RAB8A: variants seen among roughly 807,000 people sequenced by gnomAD.
RAB8A encodes ras-related protein Rab-8A.
RAB8A carries 5 observed loss-of-function variants against 29.2 expected under a neutral mutation model. The observed-to-expected ratio is 0.17, with a 90% CI of 0.09 to 0.36. The LOEUF (loss-of-function observed/expected upper bound fraction) is 0.36, where lower values mean the gene tolerates loss of function less well. Among genes scored for constraint, RAB8A ranks in the 10% least tolerant of loss-of-function variants. The pLI, the probability that RAB8A is intolerant of heterozygous loss-of-function variation, is 1.00. For missense variants in RAB8A, 171 were observed against 272.2 expected (o/e 0.63, Z 2.62); for synonymous variants, 108 against 99.9 (o/e 1.08, Z -0.49).
At position 16,132,191 on chromosome 19, in the gene RAB8A, G is replaced by T; in HGVS notation, c.532-21G>T. 6.3e-7 allele frequency: 1 copy of T among 1,586,346 alleles called. No individual in the cohort carries two copies. Among genetic ancestry groups the T allele is most frequent in the South Asian group, 1.1e-5 (1 of 90,556 alleles). ...GTGCTGATTCTCAGTGATAACCTCA[G>T]AAAACCTCTTGTGATTTCAGGAAGG... On this transcript the variant is annotated intron_variant, in intron 7 of 7. Coordinates refer to ENST00000300935, the MANE Select transcript of RAB8A (RefSeq NM_005370.5). This position sits in a 1 kb window ranked among gnomAD's most constrained non-coding sequence, Gnocchi z 5.6.
chr19:16,120,709 C>T (rs1395340519), intron 2 of RAB8A, among the ~76,000 whole-genome samples: 1 of 151,216 alleles, frequency 6.6e-6, no homozygotes, highest in Non-Finnish European at 1.5e-5. Context: ...CTCCCAGGTT[C>T]AAGCGATTGT....
chr19:16,128,656 C>T (rs1305359839), intron 6 of RAB8A, among the ~76,000 whole-genome samples: 2 of 152,208 alleles, frequency 1.3e-5, no homozygotes, highest in East Asian at 1.9e-4. Flanking sequence ...CCTTGCCTGG[C>T]GTGGAAGGCC....
At chr19:16,129,357 G>T (rs1239823932) in intron 6 of RAB8A, among the ~76,000 whole-genome samples, 197 bp from the exon 7 acceptor site, 1 of 152,200 alleles carries the variant, frequency 6.6e-6, no homozygotes, top group African/African-American at 2.4e-5. Context: ...AGTAAGGGTG[G>T]GTGGGAGGCA....
rs1029702032 is a variant in RAB8A, at chr19:16,132,563, A to G, written c.*259A>G. Reference sequence around the variant, plus strand: ...CTGAACGGGCCCACCCACACGTTGTATATTCAGAGAGAGAGAGGGAGTCAA... The same window carrying G: ...CTGAACGGGCCCACCCACACGTTGTGTATTCAGAGAGAGAGAGGGAGTCAA... On this transcript the variant is annotated 3_prime_UTR_variant, in exon 8 of 8. Coordinates refer to ENST00000300935, the MANE Select transcript of RAB8A (RefSeq NM_005370.5). This position sits in a 1 kb window ranked among gnomAD's most constrained non-coding sequence, Gnocchi z 5.6. The G allele has an allele frequency of 6.2e-6, 3 of 482,976 alleles. No homozygotes were observed. The highest frequency in any genetic ancestry group is 2.1e-5 in the South Asian group (1 of 47,130). 29.9% of individuals were successfully genotyped at this position (482,976 alleles called of 1,614,324 possible).
chr19:16,125,794 A>G lies in RAB8A; in HGVS notation c.324+247A>G, dbSNP rs532644680. The G allele has an allele frequency of 1.1e-5, 7 of 634,978 alleles. No individual in the cohort carries two copies. The highest frequency in any genetic ancestry group is 1.7e-5 in the Non-Finnish European group (6 of 346,142). The allele number at this position is 634,978 out of a possible 1,614,324, so 39.3% of individuals were successfully genotyped here. On this transcript the variant is annotated intron_variant, in intron 4 of 7. Coordinates refer to ENST00000300935, the MANE Select transcript of RAB8A (RefSeq NM_005370.5). The surrounding 1 kb of genome is among the most constrained non-coding windows in gnomAD (Gnocchi z 5.0). ...TCCAGCTAGGCTGTTGGATCTGGCCAGTGTCATGGTTATAAGAGAAAGGAT... is the reference window on the plus strand; with the variant it reads ...TCCAGCTAGGCTGTTGGATCTGGCCGGTGTCATGGTTATAAGAGAAAGGAT...
At position 16,132,557 on chromosome 19, in the gene RAB8A, C is replaced by T. The variant is rs142734528; in HGVS notation, c.*253C>T. On this transcript the variant is annotated 3_prime_UTR_variant, in exon 8 of 8. Transcript: ENST00000300935. This position sits in a 1 kb window ranked among gnomAD's most constrained non-coding sequence, Gnocchi z 5.6. ...CATCTGCTGAACGGGCCCACCCACACGTTGTATATTCAGAGAGAGAGAGGG... is the reference window on the plus strand; with the variant it reads ...CATCTGCTGAACGGGCCCACCCACATGTTGTATATTCAGAGAGAGAGAGGG... 1.5e-4 allele frequency: 75 copies of T among 497,912 alleles called. 1 individual carries two copies. The highest frequency in any genetic ancestry group is 4.7e-4 in the African/African-American group (24 of 51,360). 30.8% of individuals were successfully genotyped at this position (497,912 alleles called of 1,614,324 possible). A position where few individuals can be genotyped will look rare whatever the true frequency, so the allele number is the denominator to read the frequency against.
chr19:16,113,821 C>G (rs1333257540), intron 1 of RAB8A, among the ~76,000 whole-genome samples: 1 of 152,188 alleles, frequency 6.6e-6, no homozygotes, highest in African/African-American at 2.4e-5. Context: ...TCTCTGAGCC[C>G]TGCTGTCTTT....
At chr19:16,119,203 T>C (rs1250271502) in intron 2 of RAB8A, among the ~76,000 whole-genome samples, 2 of 151,564 alleles carry the variant, frequency 1.3e-5, no homozygotes, top group Non-Finnish European at 2.9e-5. Flanking sequence ...TCACCTCTTC[T>C]TTTTTTTTCT....
rs28494015 is a variant in RAB8A, at chr19:16,122,879, C to A, written c.246+1069C>A. On this transcript the variant is annotated intron_variant, in intron 3 of 7. Transcript: ENST00000300935. The surrounding 1 kb of genome is among the most constrained non-coding windows in gnomAD (Gnocchi z 4.7). Reference sequence around the variant, plus strand: ...AGTTCTCTGGTGGAGGGTGGGCAGGCGGCCTGAGGGCACTGGGGTCTTGGG... The same window carrying A: ...AGTTCTCTGGTGGAGGGTGGGCAGGAGGCCTGAGGGCACTGGGGTCTTGGG... Among the ~76,000 whole-genome samples, 1 of 152,114 alleles carries A rather than the reference C, an allele frequency of 6.6e-6. No homozygotes were observed. Among genetic ancestry groups the A allele is most frequent in the Non-Finnish European group, 1.5e-5 (1 of 68,012 alleles).
intron 7 of RAB8A, among the ~76,000 whole-genome samples, chr19:16,130,171 G>A (rs767038126): frequency 3.7e-4 from 55 of 149,458 alleles, no homozygotes; most frequent in Admixed American, 6.7e-5. Context: ...TTTTTACCAC[G>A]TTAGCGATTT....
At chr19:16,116,089 G>GGATGGTCA (rs1195210418) in intron 1 of RAB8A, among the ~76,000 whole-genome samples, 1 of 152,232 alleles carries the variant, frequency 6.6e-6, no homozygotes, top group Non-Finnish European at 1.5e-5. Flanking sequence ...GAACTGATGA[G>GGATGGTCA]GATGGTCAGA....
At position 16,132,384 on chromosome 19, in the gene RAB8A, C is replaced by T. The variant is rs1177096951; in HGVS notation, c.*80C>T. ...AGTGAGCCCCTCACTCAGCCGGGGCCCTCCCACCTCCAACGCCCCGCCCAC... is the reference window on the plus strand; with the variant it reads ...AGTGAGCCCCTCACTCAGCCGGGGCTCTCCCACCTCCAACGCCCCGCCCAC... On this transcript the variant is annotated 3_prime_UTR_variant, in exon 8 of 8. Transcript: ENST00000300935. The surrounding 1 kb of genome is among the most constrained non-coding windows in gnomAD (Gnocchi z 5.6). The T allele has an allele frequency of 4.3e-6, 6 of 1,405,892 alleles. No homozygotes were observed. In the Admixed American group the frequency reaches 9.7e-5, roughly 23 times the overall value. 87.1% of individuals were successfully genotyped at this position (1,405,892 alleles called of 1,614,324 possible).
At chr19:16,128,707 C>CA (rs2090912659) in intron 6 of RAB8A, among the ~76,000 whole-genome samples, 1 of 152,208 alleles carries the variant, frequency 6.6e-6, no homozygotes, top group African/African-American at 2.4e-5. Context: ...ACCCAGGGCT[C>CA]AGGCCTTGCC....
At chr19:16,126,795 T>C (rs7250023) in intron 4 of RAB8A, 46,122 of 152,046 alleles carry the variant, frequency 0.3, 7,194 homozygotes, top group South Asian at 0.35. Flanking sequence ...GTCAGAAGTT[T>C]GAGACCAGCC....
chr19:16,120,107 C>T (rs1056815407), intron 2 of RAB8A, among the ~76,000 whole-genome samples: 1 of 152,080 alleles, frequency 6.6e-6, no homozygotes, highest in Non-Finnish European at 1.5e-5. Context: ...GCCACCGCAC[C>T]TGGCAAAAAT....
chr19:16,132,548 C>T lies in RAB8A; in HGVS notation c.*244C>T, dbSNP rs1034412685. 5.8e-6 allele frequency: 3 copies of T among 518,746 alleles called. No individual in the cohort carries two copies. Among genetic ancestry groups the T allele is most frequent in the African/African-American group, 3.9e-5 (2 of 51,688 alleles). 32.1% of individuals were successfully genotyped at this position (518,746 alleles called of 1,614,324 possible). Reference sequence around the variant, plus strand: ...TTCCTGTAACATCTGCTGAACGGGCCCACCCACACGTTGTATATTCAGAGA... The same window carrying T: ...TTCCTGTAACATCTGCTGAACGGGCTCACCCACACGTTGTATATTCAGAGA... On this transcript the variant is annotated 3_prime_UTR_variant, in exon 8 of 8. Coordinates refer to ENST00000300935, the MANE Select transcript of RAB8A (RefSeq NM_005370.5). This position sits in a 1 kb window ranked among gnomAD's most constrained non-coding sequence, Gnocchi z 5.6.
At chr19:16,128,846 A>T (rs2090913114) in intron 6 of RAB8A, among the ~76,000 whole-genome samples, 1 of 152,068 alleles carries the variant, frequency 6.6e-6, no homozygotes, top group Non-Finnish European at 1.5e-5. Context: ...CTCCCCAAGA[A>T]CACCTTCAGT....
rs2090908589 is a variant in RAB8A, at chr19:16,127,884, G to A, written c.415-142G>A. ...GGGCATTCACTATAGAATTGAGGGAGTGATCCAGGAAGTCACGCCCACAGC... is the reference window on the plus strand; with the variant it reads ...GGGCATTCACTATAGAATTGAGGGAATGATCCAGGAAGTCACGCCCACAGC... On this transcript the variant is annotated intron_variant, in intron 5 of 7. Transcript: ENST00000300935. The surrounding 1 kb of genome is among the most constrained non-coding windows in gnomAD (Gnocchi z 4.8). The A allele has an allele frequency of 1.2e-6, 1 of 802,312 alleles. No individual in the cohort carries two copies. Among genetic ancestry groups the A allele is most frequent in the Non-Finnish European group, 2.1e-6 (1 of 473,806 alleles). 49.7% of individuals were successfully genotyped at this position (802,312 alleles called of 1,614,324 possible). A position where few individuals can be genotyped will look rare whatever the true frequency, so the allele number is the denominator to read the frequency against.
intron 6 of RAB8A, among the ~76,000 whole-genome samples, chr19:16,129,028 C>T (rs112048767): frequency 6.4e-4 from 98 of 152,350 alleles, no homozygotes; most frequent in African/African-American, 2.2e-3. Context: ...CTCCCGCTCC[C>T]AGCCCTGCCA....
Sources: allele counts gnomAD v4.1 joint callset (sites outside exome capture counted in the v4.1 genomes callset), GRCh38; gene constraint gnomAD v4.1.1; non-coding constraint Gnocchi (gnomAD v3.1); transcripts MANE v1.5; gene names NCBI Gene and HGNC (gene_info 2026-07-23, HGNC 2026-07-21).